GRM6: variants seen among roughly 807,000 people sequenced by gnomAD.
The protein encoded by GRM6 is metabotropic glutamate receptor 6.
A neutral mutation model predicts 78.4 loss-of-function variants in GRM6; 73 were observed. The ratio of observed to expected loss-of-function variants is 0.93; its 90% CI spans 0.77 to 1.13. The LOEUF (loss-of-function observed/expected upper bound fraction) is 1.13. Among genes scored for constraint, GRM6 ranks in the 50% most tolerant of loss-of-function variants. GRM6 has a pLI of 0.00. For synonymous variants in GRM6, 580 were observed against 555.0 expected (o/e 1.05, Z -0.63); for missense variants, 1,251 against 1,256.4 (o/e 1.00, Z 0.07).
Position 178,992,230 on chromosome 5 carries a change from G to A in GRM6, c.505-147C>T, listed in dbSNP as rs1428136611. 1 of 709,434 alleles carries A rather than the reference G, an allele frequency of 1.4e-6. No individual in the cohort carries two copies. Among genetic ancestry groups the A allele is most frequent in the Non-Finnish European group, 2.5e-6 (1 of 393,722 alleles). 43.9% of individuals were successfully genotyped at this position (709,434 alleles called of 1,614,324 possible). ...GATGGGAGATGGAAGGGTTGGGGTG[G>A]GGACCTGGGGCCAGCTGGAGCAGCC... is the stretch of plus-strand genomic sequence containing the variant. On this transcript the variant is annotated intron_variant, in intron 2 of 10. Transcript: ENST00000517717. This position sits in a 1 kb window ranked among gnomAD's most constrained non-coding sequence, Gnocchi z 4.9.
At position 178,991,680 on chromosome 5, in the gene GRM6, A is replaced by C. The variant is rs1014982172; in HGVS notation, c.722-121T>G. ...TCTGCAGGGGTGAAGTCTGGCCTGC[A>C]CCCTCCGCCAAGCCTGAGGCAGGGC... On this transcript the variant is annotated intron_variant, in intron 3 of 10. Transcript: ENST00000517717. The surrounding 1 kb of genome is among the most constrained non-coding windows in gnomAD (Gnocchi z 5.0). 2 of 1,285,628 alleles carry C rather than the reference A, an allele frequency of 1.6e-6. No individual in the cohort carries two copies. Among genetic ancestry groups the C allele is most frequent in the African/African-American group, 2.9e-5 (2 of 68,226 alleles). The allele number at this position is 1,285,628 out of a possible 1,614,324, so 79.6% of individuals were successfully genotyped here. A position where few individuals can be genotyped will look rare whatever the true frequency, so the allele number is the denominator to read the frequency against.
Position 178,986,609 on chromosome 5 carries a change from G to A in GRM6, c.1645C>T (p.Gln549Ter), listed in dbSNP as rs1209294263. 1 of 1,604,074 alleles carries A rather than the reference G, an allele frequency of 6.2e-7. No individual in the cohort carries two copies. Among genetic ancestry groups the A allele is most frequent in the Non-Finnish European group, 8.5e-7 (1 of 1,179,894 alleles). The change falls in exon 9 of 11, where the codon CAG becomes TAG. Residue 549 changes from glutamine (Q) to a stop codon, truncating the protein, a stop_gained. Transcript: ENST00000517717. LOFTEE classifies it high-confidence loss of function. ...HCEACDGYRFQVDEFTCEACP... is the reference protein window; with the variant it reads ...HCEACDGYRF ...GCCTCGCATGTGAACTCGTCCACCTGGAAGCGGTACCCGTCACAGGCCTCG... is the reference window on the plus strand; with the variant it reads ...GCCTCGCATGTGAACTCGTCCACCTAGAAGCGGTACCCGTCACAGGCCTCG...
intron 9 of GRM6, among the ~76,000 whole-genome samples, chr5:178,984,251 C>T (rs529039912): frequency 2.6e-5 from 4 of 151,226 alleles, no homozygotes; most frequent in South Asian, 2.1e-4. Context: ...ACCAAAACGG[C>T]CCACAGATGC....
chr5:178,993,787 T>C (rs2113346379), intron 2 of GRM6, among the ~76,000 whole-genome samples: 1 of 152,224 alleles, frequency 6.6e-6, no homozygotes, highest in South Asian at 2.1e-4. Flanking sequence ...GACAGTTCCC[T>C]ACATTTGAGG....
In GRM6 at chr5:178,986,967, A is replaced by G. The variant is rs757829243; in HGVS notation, c.1371T>C (p.Pro457=). ...CATCTCCGTTCTCGTTGAACATCAC[A>G]GGGGTTCCTGCGCTGCCTGGAGAGA... The part of the protein sequence containing the change: ...AVRFNGSAGT[P]VMFNENGDAP... Residue 457 remains proline (P), a synonymous_variant, in exon 8 of 11, where the codon CCT becomes CCC. Transcript: ENST00000517717. The G allele has an allele frequency of 5.0e-6, 8 of 1,613,758 alleles. No individual in the cohort carries two copies. The highest frequency in any genetic ancestry group is 5.9e-6 in the Non-Finnish European group (7 of 1,179,884).
chr5:178,983,561 C>T (rs79513074), intron 9 of GRM6: 21,309 of 480,446 alleles, frequency 0.044, 766 homozygotes, highest in East Asian at 0.15. Flanking sequence ...CCATTTACTG[C>T]GCCCCTTCAA....
Position 178,983,291 on chromosome 5 carries a change from C to A in GRM6, c.2125-70G>T, listed in dbSNP as rs1034549003. On this transcript the variant is annotated intron_variant, in intron 9 of 10. Transcript: ENST00000517717. ...AAATCCATTCCAGCCCTGACAGAGG[C>A]CCCTGCGGGTCAGGATCCCCTTGAG... 1.2e-5 allele frequency: 16 copies of A among 1,360,160 alleles called. No homozygotes were observed. The East Asian group carries it at 1.4e-4, about 12-fold the overall frequency. The allele number at this position is 1,360,160 out of a possible 1,614,324, so 84.3% of individuals were successfully genotyped here. A position where few individuals can be genotyped will look rare whatever the true frequency, so the allele number is the denominator to read the frequency against.
rs1412605199 is a variant in GRM6 at position 178,994,471 on chromosome 5, G to A, written c.474C>T (p.Ile158=). Reference sequence around the variant, plus strand: ...ACAGGCGCAGCACGTTGGCGACCATGATGGAGACGGAGCTGGCCGAGGCGC... The same window carrying A: ...ACAGGCGCAGCACGTTGGCGACCATAATGGAGACGGAGCTGGCCGAGGCGC... ...VVGASASSVS[I]MVANVLRLFA... The change falls in exon 2 of 11, where the codon ATC becomes ATT. Residue 158 remains isoleucine (I), a synonymous_variant. Transcript: ENST00000517717. The A allele has an allele frequency of 2.0e-5, 29 of 1,485,108 alleles. No individual in the cohort carries two copies. Among genetic ancestry groups the A allele is most frequent in the South Asian group, 2.5e-5 (2 of 79,080 alleles). 92.0% of individuals were successfully genotyped at this position (1,485,108 alleles called of 1,614,324 possible). A position where few individuals can be genotyped will look rare whatever the true frequency, so the allele number is the denominator to read the frequency against.
In GRM6 at chr5:178,991,444, A is replaced by T; in HGVS notation, c.837T>A (p.Phe279Leu). The T allele has an allele frequency of 6.2e-7, 1 of 1,613,986 alleles. No individual in the cohort carries two copies. The highest frequency in any genetic ancestry group is 1.1e-5 in the South Asian group (1 of 91,070). ...CCCACCTGATGTCATCCTCATTGGCAAAGATGATGATGCCCCGGGCGTTGG... is the reference window on the plus strand; with the variant it reads ...CCCACCTGATGTCATCCTCATTGGCTAAGATGATGATGCCCCGGGCGTTGG... ...ETPNARGIII[F>L]ANEDDIRRVL... The change falls in exon 4 of 11, where the codon TTT becomes TTA. Residue 279 changes from phenylalanine to leucine, a missense_variant. By Grantham distance (22) the Phe-to-Leu change is conservative. Coordinates refer to ENST00000517717, the MANE Select transcript of GRM6 (RefSeq NM_000843.4). This position sits in a 1 kb window ranked among gnomAD's most constrained non-coding sequence, Gnocchi z 5.0.
Position 178,988,330 on chromosome 5 carries a change from G to A in GRM6, c.1354+605C>T, listed in dbSNP as rs970628734. Among the ~76,000 whole-genome samples, 9 of 152,210 alleles carry A rather than the reference G, an allele frequency of 5.9e-5. No homozygotes were observed. Among genetic ancestry groups the A allele is most frequent in the Non-Finnish European group, 1.0e-4 (7 of 68,032 alleles). On this transcript the variant is annotated intron_variant, in intron 7 of 10. Coordinates refer to ENST00000517717, the MANE Select transcript of GRM6 (RefSeq NM_000843.4). The surrounding 1 kb of genome is among the most constrained non-coding windows in gnomAD (Gnocchi z 6.0). ...GGAATTGATTAGCAGAGAGCATGGC[G>A]GAGAGAAGGTGGTGAGTGAGTGTTC...
Position 178,986,689 on chromosome 5 carries a change from C to T in GRM6, c.1565G>A (p.Cys522Tyr), listed in dbSNP as rs62638208. ...CATCTTCTTCCGCTCCCCCGGCCCG[C>T]AGGGCAGGCTGCACAGAGACGAGGG... ...EVPSSLCSLPCGPGERKKMVK... is the reference protein window; with the variant it reads ...EVPSSLCSLPYGPGERKKMVK... The change falls in exon 9 of 11, where the codon TGC becomes TAC. Residue 522 changes from cysteine to tyrosine, a missense_variant. Transcript: ENST00000517717. 72 of 1,604,130 alleles carry T rather than the reference C, an allele frequency of 4.5e-5. No homozygotes were observed. The highest frequency in any genetic ancestry group is 5.8e-5 in the Non-Finnish European group (69 of 1,179,892).
At position 178,982,776 on chromosome 5, in the gene GRM6, A is replaced by G. The variant is rs1173588503; in HGVS notation, c.2436+134T>C. 5 of 686,614 alleles carry G rather than the reference A, an allele frequency of 7.3e-6. No individual in the cohort carries two copies. In the African/African-American group the frequency reaches 8.8e-5, roughly 12 times the overall value. 42.5% of individuals were successfully genotyped at this position (686,614 alleles called of 1,614,324 possible). A position where few individuals can be genotyped will look rare whatever the true frequency, so the allele number is the denominator to read the frequency against. On this transcript the variant is annotated intron_variant, in intron 10 of 10. Coordinates refer to ENST00000517717, the MANE Select transcript of GRM6 (RefSeq NM_000843.4). Reference sequence around the variant, plus strand: ...AAAGTGAATGAATGAACAAAGTAAGAAGGGAATGAGTGAATGAACAAGCAG... The same window carrying G: ...AAAGTGAATGAATGAACAAAGTAAGGAGGGAATGAGTGAATGAACAAGCAG...
At chr5:178,983,562 G>A (rs1465898674) in intron 9 of GRM6, 11 of 474,658 alleles carry the variant, frequency 2.3e-5, no homozygotes, top group African/African-American at 9.6e-5. Flanking sequence ...CATTTACTGC[G>A]CCCCTTCAAG....
rs1760398953 is a variant in GRM6, at chr5:178,981,733, T to C, written c.2558A>G (p.Lys853Arg). ...ILFHPEQNVQKRKRSLKATST... is the reference protein window; with the variant it reads ...ILFHPEQNVQRRKRSLKATST... ...GGTGGCCTTGAGGCTCCGCTTTCGCTTCTGCACATTCTGCTCTGGATGGAA... is the reference window on the plus strand; with the variant it reads ...GGTGGCCTTGAGGCTCCGCTTTCGCCTCTGCACATTCTGCTCTGGATGGAA... The change falls in exon 11 of 11, where the codon AAG (lysine) becomes AGG (arginine). Residue 853 changes from lysine (K) to arginine (R), a missense_variant. Coordinates refer to ENST00000517717, the MANE Select transcript of GRM6 (RefSeq NM_000843.4). The surrounding 1 kb of genome is among the most constrained non-coding windows in gnomAD (Gnocchi z 5.1). The C allele has an allele frequency of 2.5e-6, 4 of 1,614,060 alleles. No homozygotes were observed. In the East Asian group the frequency reaches 8.9e-5, roughly 36 times the overall value.
chr5:178,989,195 C>G, intron 6 of GRM6, 60 bp from the exon 7 acceptor site: 1 of 1,555,806 alleles, frequency 6.4e-7, no homozygotes, highest in Non-Finnish European at 8.7e-7. Flanking sequence ...CCCGGCCTCC[C>G]GCCTTCCCCC....
chr5:178,994,711 G>A lies in GRM6; in HGVS notation c.234C>T (p.Arg78=). Residue 78 remains arginine, a synonymous_variant, in exon 2 of 11, where the codon CGC becomes CGT. Transcript: ENST00000517717. ...GCAGCAGCTCGGGGTCGGCGTTGAC[G>A]CGGTCCAGCGCGTACAGCATGGCCT... ...RLEAMLYALD[R]VNADPELLPG... is the part of the protein sequence containing the mutation. 6.8e-7 allele frequency: 1 copy of A among 1,466,234 alleles called. No individual in the cohort carries two copies. Among genetic ancestry groups the A allele is most frequent in the Non-Finnish European group, 9.0e-7 (1 of 1,111,196 alleles). 90.8% of individuals were successfully genotyped at this position (1,466,234 alleles called of 1,614,324 possible). A position where few individuals can be genotyped will look rare whatever the true frequency, so the allele number is the denominator to read the frequency against.
intron 9 of GRM6, among the ~76,000 whole-genome samples, chr5:178,984,278 G>A (rs1327401569): frequency 8.7e-6 from 1 of 114,326 alleles, no homozygotes; most frequent in Non-Finnish European, 2.2e-5. Context: ...CCGTGGAGTG[G>A]GGAGCGAGCG....
At chr5:178,982,171 A>G (rs1347531981) in intron 10 of GRM6, among the ~76,000 whole-genome samples, 1 of 152,236 alleles carries the variant, frequency 6.6e-6, no homozygotes, top group East Asian at 1.9e-4. Flanking sequence ...GGCAGAGACA[A>G]ACTTCAGGAG....
rs1322838658 is a variant in GRM6 at position 178,990,638 on chromosome 5, C to T, written c.966G>A (p.Val322=). The change falls in exon 5 of 11, where the codon GTG becomes GTA. Residue 322 remains valine, a synonymous_variant. Coordinates refer to ENST00000517717, the MANE Select transcript of GRM6 (RefSeq NM_000843.4). ...GCAGGATGGTGATGGCCCCAACGGC[C>T]ACGTCCTCCAGGCTCAAGATGGGTG... ...KTSPILSLED[V]AVGAITILPK... 2.5e-5 allele frequency: 40 copies of T among 1,612,538 alleles called. No individual in the cohort carries two copies. Among genetic ancestry groups the T allele is most frequent in the Non-Finnish European group, 3.4e-5 (40 of 1,179,718 alleles).
Sources: allele counts gnomAD v4.1 joint callset (sites outside exome capture counted in the v4.1 genomes callset), GRCh38; gene constraint gnomAD v4.1.1; non-coding constraint Gnocchi (gnomAD v3.1); transcripts MANE v1.5; gene names NCBI Gene and HGNC (gene_info 2026-07-23, HGNC 2026-07-21).